The following CORO2B variants were observed in gnomAD, a reference collection of about 807,000 sequenced individuals.
The protein encoded by CORO2B is coronin 2B, also known as coronin-2B.
CORO2B carries 26 observed loss-of-function variants against 58.8 expected under a neutral mutation model. That is an observed-to-expected ratio of 0.44 (90% confidence interval 0.32 to 0.61). The LOEUF (loss-of-function observed/expected upper bound fraction) is 0.61. Among genes scored for constraint, CORO2B ranks in the 20% least tolerant of loss-of-function variants. CORO2B has a pLI of 0.04. For missense variants in CORO2B, 460 were observed against 645.1 expected (o/e 0.71, Z 3.11); for synonymous variants, 242 against 253.8 (o/e 0.95, Z 0.44).
At chr15:68,700,868 A>C (rs1468429506) in intron 3 of CORO2B, among the ~76,000 whole-genome samples, 1 of 152,030 alleles carries the variant, frequency 6.6e-6, no homozygotes, top group Non-Finnish European at 1.5e-5. Context: ...GAGAGGGAGG[A>C]GGGAGAAGAG....
intron 2 of CORO2B, among the ~76,000 whole-genome samples, chr15:68,652,212 C>T (rs758309120): frequency 6.6e-5 from 10 of 152,202 alleles, no homozygotes; most frequent in African/African-American, 9.7e-5. Flanking sequence ...GTCTCTTATT[C>T]GGGCTGCCGT....
At chr15:68,691,282 A>ATC (rs1202816984) in intron 2 of CORO2B, among the ~76,000 whole-genome samples, 9 of 143,368 alleles carry the variant, frequency 6.3e-5, no homozygotes, top group African/African-American at 2.4e-4. Context: ...GTGAGCCGAG[A>ATC]TCGCGCCACT....
intron 1 of CORO2B, among the ~76,000 whole-genome samples, chr15:68,614,549 A>G (rs28529097): frequency 0.09 from 13,753 of 152,242 alleles, 1,139 homozygotes; most frequent in African/African-American, 0.22. Context: ...TATTTTAAAG[A>G]AAAGACATGG....
In CORO2B at chr15:68,703,855, A is replaced by G. The variant is rs534393001; in HGVS notation, c.334-6877A>G. Among the ~76,000 whole-genome samples, 3 of 152,252 alleles carry G rather than the reference A, an allele frequency of 2.0e-5. No homozygotes were observed. The South Asian group carries it at 6.2e-4, about 32-fold the overall frequency. ...ATTCCATAAAATGGAAACAAACTTC[A>G]TATCATATGTATTGACTACACAGCG... On this transcript the variant is annotated intron_variant, in intron 3 of 11. Transcript: ENST00000261861.
upstream of CORO2B, among the ~76,000 whole-genome samples, chr15:68,576,748 G>C (rs1472577462): frequency 6.6e-6 from 1 of 152,166 alleles, no homozygotes; most frequent in Admixed American, 6.5e-5. Context: ...CAGCTCGCTG[G>C]TGGGAAATGC....
chr15:68,647,699 A>G (rs1465684953), intron 2 of CORO2B, among the ~76,000 whole-genome samples: 1 of 148,690 alleles, frequency 6.7e-6, no homozygotes, highest in African/African-American at 2.5e-5. Flanking sequence ...CAAAAAAAAA[A>G]AAAGAAAGAA....
At chr15:68,663,010 G>A (rs1044142953) in intron 2 of CORO2B, among the ~76,000 whole-genome samples, 5 of 151,190 alleles carry the variant, frequency 3.3e-5, no homozygotes, top group Non-Finnish European at 5.9e-5. Flanking sequence ...GGTTTATCGT[G>A]AGCTTTTTCA....
intron 11 of CORO2B, among the ~76,000 whole-genome samples, chr15:68,722,596 GT>G (rs1893188321): frequency 6.6e-6 from 1 of 152,144 alleles, no homozygotes; most frequent in African/African-American, 2.4e-5. Flanking sequence ...TTTGACAAAA[GT>G]GGACCAAAAA....
At chr15:68,565,983 G>A in the CORO2B span, among the ~76,000 whole-genome samples, 8 of 152,302 alleles carry the variant, frequency 5.3e-5, no homozygotes, top group East Asian at 5.8e-4. Context: ...ACGAATTCCC[G>A]CAGCCCCATC....
At position 68,719,244 on chromosome 15, in the gene CORO2B, C is replaced by CG. The variant is rs760390035; in HGVS notation, c.1171+16dup. 6.2e-7 allele frequency: 1 copy of CG among 1,612,876 alleles called. No individual in the cohort carries two copies. Among genetic ancestry groups the CG allele is most frequent in the East Asian group, 2.2e-5 (1 of 44,882 alleles). On this transcript the variant is annotated intron_variant, in intron 10 of 11. Transcript: ENST00000261861. Reference sequence around the variant, plus strand: ...GGAGGCATCAACCGAGGTACCACAGCGGGGGGCTCCACAGAGCACAGGCGG... The same window carrying CG: ...GGAGGCATCAACCGAGGTACCACAGCGGGGGGGCTCCACAGAGCACAGGCGG...
At chr15:68,712,827 CAGG>C (rs1892951572) in intron 5 of CORO2B, among the ~76,000 whole-genome samples, 1 of 152,020 alleles carries the variant, frequency 6.6e-6, no homozygotes, top group South Asian at 2.1e-4. Context: ...CTCACAGTTC[CAGG>C]AGGAGCTAGG....
At chr15:68,701,772 C>T (rs538415061) in intron 3 of CORO2B, among the ~76,000 whole-genome samples, 1 of 152,238 alleles carries the variant, frequency 6.6e-6, no homozygotes, top group Non-Finnish European at 1.5e-5. Context: ...GCGTGAGCCA[C>T]TGCACCCGGC....
At chr15:68,544,303 G>T in the CORO2B span, among the ~76,000 whole-genome samples, 2 of 152,316 alleles carry the variant, frequency 1.3e-5, no homozygotes, top group Middle Eastern at 6.8e-3. Flanking sequence ...AACATGCAGT[G>T]TGTGTGCATG....
At chr15:68,536,415 A>AAAC in the CORO2B span, among the ~76,000 whole-genome samples, 2 of 152,238 alleles carry the variant, frequency 1.3e-5, no homozygotes, top group Non-Finnish European at 2.9e-5. Context: ...TTGGCCTAAA[A>AAAC]AACTGCTATT....
chr15:68,658,739 GAGT>G (rs1901915143), intron 2 of CORO2B, among the ~76,000 whole-genome samples: 1 of 152,206 alleles, frequency 6.6e-6, no homozygotes, highest in Non-Finnish European at 1.5e-5. Flanking sequence ...AAATGAAACA[GAGT>G]AGATAAAGTA....
intron 1 of CORO2B, among the ~76,000 whole-genome samples, chr15:68,621,858 G>A (rs1458533139): frequency 6.6e-6 from 1 of 151,196 alleles, no homozygotes; most frequent in African/African-American, 2.4e-5. Flanking sequence ...CCAGGTTCAA[G>A]TGATCCTCCC....
At chr15:68,597,630 A>C (rs2140237113) in intron 1 of CORO2B, among the ~76,000 whole-genome samples, 1 of 140,500 alleles carries the variant, frequency 7.1e-6, no homozygotes, top group African/African-American at 3.1e-5. Flanking sequence ...CCCCCATCAA[A>C]AAAAAAAAAA....
chr15:68,685,119 T>C (rs1567008234), intron 2 of CORO2B, among the ~76,000 whole-genome samples: 1 of 152,054 alleles, frequency 6.6e-6, no homozygotes, highest in Non-Finnish European at 1.5e-5. Context: ...TCGGTACTCC[T>C]TTACATGCTC....
intron 1 of CORO2B, among the ~76,000 whole-genome samples, chr15:68,624,515 T>G (rs180841127): frequency 1.3e-5 from 2 of 152,290 alleles, no homozygotes; most frequent in African/African-American, 4.8e-5. Context: ...GGAACTGATA[T>G]TAGGAACTAC....
Sources: gnomAD v4.1 joint callset for allele counts (sites outside exome capture counted in the v4.1 genomes callset) on GRCh38, gnomAD v4.1.1 for gene constraint, MANE v1.5 for transcripts, NCBI Gene and HGNC (gene_info 2026-07-23, HGNC 2026-07-21) for gene names.